PLB1: variants seen among roughly 807,000 people sequenced by gnomAD.
PLB1 encodes the protein phospholipase B1.
In PLB1, 242 loss-of-function variants were observed where a neutral mutation model predicts 227.4. That is an observed-to-expected ratio of 1.06 (90% CI 0.96 to 1.18). PLB1 has a LOEUF of 1.18. PLB1 is among the 50% of genes most tolerant of loss of function. The pLI is 0.00. For missense variants in PLB1, 1,858 were observed against 1,816.3 expected (o/e 1.02, Z -0.42); for synonymous variants, 757 against 682.2 (o/e 1.11, Z -1.71).
chr2:28,521,713 A>C (rs1265248984), intron 4 of PLB1, among the ~76,000 whole-genome samples: 2 of 152,136 alleles, frequency 1.3e-5, no homozygotes, highest in Non-Finnish European at 2.9e-5. Flanking sequence ...GGAGAATGTC[A>C]GCATTTCCCC....
chr2:28,545,504 A>G (rs957913493), intron 14 of PLB1, among the ~76,000 whole-genome samples: 1 of 152,154 alleles, frequency 6.6e-6, no homozygotes, highest in Non-Finnish European at 1.5e-5. Flanking sequence ...GACAGGAGCC[A>G]GAAAACCCGG....
chr2:28,624,420 G>A (rs971154298), intron 49 of PLB1, among the ~76,000 whole-genome samples: 5 of 151,946 alleles, frequency 3.3e-5, no homozygotes, highest in African/African-American at 9.7e-5. Context: ...GTAGTGTTCC[G>A]TTGGCATTCA....
intron 17 of PLB1, among the ~76,000 whole-genome samples, chr2:28,553,621 C>G (rs1674571644): frequency 6.6e-6 from 1 of 152,186 alleles, no homozygotes; most frequent in African/African-American, 2.4e-5. Context: ...TCATGGCCAT[C>G]TGGTGACCTG....
intron 1 of PLB1, among the ~76,000 whole-genome samples, chr2:28,500,802 G>T (rs1667008118): frequency 3.3e-5 from 5 of 152,156 alleles, no homozygotes; most frequent in Admixed American, 3.3e-4. Context: ...ATTAATCTGT[G>T]TGTTGTAATC....
At chr2:28,581,471 A>T (rs1679928408) in intron 23 of PLB1, among the ~76,000 whole-genome samples, 1 of 140,600 alleles carries the variant, frequency 7.1e-6, no homozygotes. Flanking sequence ...GAGTAGATCC[A>T]GAGCTCCACG....
chr2:28,567,517 G>C (rs1485515599), intron 20 of PLB1, among the ~76,000 whole-genome samples: 1 of 133,674 alleles, frequency 7.5e-6, no homozygotes, highest in Non-Finnish European at 1.5e-5. Flanking sequence ...CTGTTGCCAG[G>C]CTGGAGTGCA....
chr2:28,503,036 C>T (rs1457286127), intron 1 of PLB1, among the ~76,000 whole-genome samples: 1 of 151,848 alleles, frequency 6.6e-6, no homozygotes, highest in African/African-American at 2.4e-5. Context: ...TTTCTGTTAT[C>T]CCTTCAATAC....
intron 26 of PLB1, among the ~76,000 whole-genome samples, chr2:28,586,365 T>C (rs1680906880): frequency 6.6e-6 from 1 of 152,190 alleles, no homozygotes; most frequent in Non-Finnish European, 1.5e-5. Context: ...AGAAAGAAAG[T>C]CAGGAGATGA....
In PLB1 at chr2:28,625,109, G is replaced by C. The variant is rs144624127; in HGVS notation, c.3579+1G>C. ...GGTAGAGCGAATGAAAAACAGCCCC[G>C]TGAGTACAGGCCCCCAGGCCACCCC... On this transcript the variant is annotated splice_donor_variant, in intron 50 of 57. Coordinates refer to ENST00000327757, the MANE Select transcript of PLB1 (RefSeq NM_153021.5). LOFTEE classifies it high-confidence loss of function. 1.9e-6 allele frequency: 3 copies of C among 1,612,814 alleles called. No individual in the cohort carries two copies. The highest frequency in any genetic ancestry group is 4.5e-5 in the East Asian group (2 of 44,762).
At chr2:28,627,222 C>T (rs1484852123) in intron 51 of PLB1, among the ~76,000 whole-genome samples, 1 of 152,140 alleles carries the variant, frequency 6.6e-6, no homozygotes, top group Non-Finnish European at 1.5e-5. Flanking sequence ...TCCTCCCACA[C>T]ACAGGAGTTG....
chr2:28,547,635 C>T (rs1572896628), intron 14 of PLB1, among the ~76,000 whole-genome samples: 1 of 152,122 alleles, frequency 6.6e-6, no homozygotes, highest in South Asian at 2.1e-4. Flanking sequence ...CCAGTAGCTT[C>T]CCACGTTCCT....
At chr2:28,573,755 G>A (rs187875074) in intron 21 of PLB1, among the ~76,000 whole-genome samples, 8 of 152,300 alleles carry the variant, frequency 5.3e-5, no homozygotes, top group South Asian at 4.1e-4. Flanking sequence ...GTACGAGCCC[G>A]GTTTCCTCCC....
intron 56 of PLB1, 66 bp from the exon 57 acceptor site, chr2:28,640,860 AC>A (rs1349897057): frequency 2.0e-6 from 3 of 1,484,524 alleles, no homozygotes; most frequent in Non-Finnish European, 2.8e-6. Flanking sequence ...GGTGTGAGAC[AC>A]CCCCTCAGAG....
chr2:28,605,800 G>A (rs1684588569), intron 41 of PLB1, 53 bp from the exon 42 acceptor site: 3 of 1,466,728 alleles, frequency 2.0e-6, no homozygotes, highest in South Asian at 1.2e-5. Flanking sequence ...TCCGCTGGTG[G>A]TGGCTCCCTC....
intron 25 of PLB1, among the ~76,000 whole-genome samples, chr2:28,584,066 C>A (rs561497752): frequency 1.1e-4 from 16 of 152,266 alleles, no homozygotes; most frequent in African/African-American, 3.9e-4. Flanking sequence ...CCCCCCAGCT[C>A]TGTTACTCGG....
At chr2:28,549,730 A>G (rs13017118) in intron 15 of PLB1, among the ~76,000 whole-genome samples, 96,105 of 151,970 alleles carry the variant, frequency 0.63, 31,199 homozygotes, top group South Asian at 0.71. Context: ...AGAAGCTTAA[A>G]ATTAGATTCC....
intron 10 of PLB1, 145 bp from the exon 11 acceptor site, chr2:28,538,954 C>T: frequency 1.5e-6 from 1 of 673,672 alleles, no homozygotes; most frequent in Non-Finnish European, 2.7e-6. Flanking sequence ...GACCAAACAT[C>T]TCCCAAAGGA....
chr2:28,601,508 C>T (rs1012676933), intron 37 of PLB1, among the ~76,000 whole-genome samples, 176 bp downstream of exon 37: 2 of 150,864 alleles, frequency 1.3e-5, no homozygotes, highest in Non-Finnish European at 3.0e-5. Flanking sequence ...CACTTCTTAC[C>T]CCACCACCCT....
intron 35 of PLB1, 26 bp downstream of exon 35, chr2:28,598,786 C>A: frequency 6.3e-7 from 1 of 1,577,322 alleles, no homozygotes. Context: ...AGGGAGGGAG[C>A]CTGCAGAGCA....
Sources: allele counts gnomAD v4.1 joint callset (sites outside exome capture counted in the v4.1 genomes callset), GRCh38; gene constraint gnomAD v4.1.1; transcripts MANE v1.5; gene names NCBI Gene and HGNC (gene_info 2026-07-23, HGNC 2026-07-21).